MLANA: variants seen among roughly 807,000 people sequenced by gnomAD.
The protein encoded by MLANA is melan-A.
In MLANA, 21 loss-of-function variants were observed where a neutral mutation model predicts 15.7. That is an observed-to-expected ratio of 1.33 (90% CI 0.95 to 1.92). MLANA has a LOEUF of 1.92. Among genes scored for constraint, MLANA ranks in the 40% most tolerant of loss-of-function variants. The pLI is 0.00. For missense variants in MLANA, 164 were observed against 143.8 expected (o/e 1.14, Z -0.72); for synonymous variants, 56 against 51.5 (o/e 1.09, Z -0.37).
chr9:5,902,891 T>C (rs1266974371), intron 3 of MLANA, among the ~76,000 whole-genome samples: 2 of 152,262 alleles, frequency 1.3e-5, no homozygotes, highest in South Asian at 2.1e-4. Context: ...TTCTCTTTAT[T>C]TTCCTAAGGT....
At position 5,909,877 on chromosome 9, in the gene MLANA, T is replaced by C. The variant is rs1833059642; in HGVS notation, c.*1169T>C. The stretch of plus-strand genomic sequence containing the variant: ...TGCAATTTGTTTTCCTTTGGCTACA[T>C]CAACGTATCACCTACACTATTATTT... On this transcript the variant is annotated 3_prime_UTR_variant, in exon 5 of 5. Transcript: ENST00000381477. 6.6e-6 allele frequency: 1 copy of C among 152,218 alleles called. No individual in the cohort carries two copies. Among genetic ancestry groups the C allele is most frequent in the African/African-American group, 2.4e-5 (1 of 41,444 alleles). 9.4% of individuals were successfully genotyped at this position (152,218 alleles called of 1,614,324 possible).
chr9:5,896,853 A>G (rs909742346), intron 2 of MLANA, among the ~76,000 whole-genome samples: 2 of 152,172 alleles, frequency 1.3e-5, no homozygotes, highest in Non-Finnish European at 1.5e-5. Flanking sequence ...ATCCTTCTCA[A>G]TAAGTAATGC....
chr9:5,897,535 A>G (rs772896956), intron 2 of MLANA, 22 bp from the exon 3 acceptor site: 1 of 1,598,628 alleles, frequency 6.3e-7, no homozygotes, highest in Admixed American at 1.7e-5. Context: ...GACAAAGTGG[A>G]TTTGTCTATC....
chr9:5,906,461 A>C (rs1017844934), intron 3 of MLANA, among the ~76,000 whole-genome samples: 8 of 152,218 alleles, frequency 5.3e-5, no homozygotes, highest in African/African-American at 1.7e-4. Context: ...TTCTCTAAAG[A>C]ACTTCAAAAG....
intron 1 of MLANA, chr9:5,891,253 A>G (rs1831639884): frequency 6.6e-6 from 1 of 152,246 alleles, no homozygotes; most frequent in Admixed American, 6.5e-5. Flanking sequence ...CTGAGTAGTA[A>G]GAGGCGCATT....
intron 3 of MLANA, among the ~76,000 whole-genome samples, chr9:5,899,779 C>T (rs1832295932): frequency 6.6e-6 from 1 of 152,204 alleles, no homozygotes; most frequent in African/African-American, 2.4e-5. Context: ...ATATTTCTAA[C>T]TCATCTTCAT....
At position 5,894,553 on chromosome 9, in the gene MLANA, A is replaced by G. The variant is rs1253791484; in HGVS notation, c.77+2002A>G. Reference sequence around the variant, plus strand: ...GTTTGGCTGGTTCTGGTGTCTCAAGAGCTTAGAAGTGAGGGGCATGAATCA... The same window carrying G: ...GTTTGGCTGGTTCTGGTGTCTCAAGGGCTTAGAAGTGAGGGGCATGAATCA... On this transcript the variant is annotated intron_variant, in intron 2 of 4. Transcript: ENST00000381477. This position sits in a 1 kb window ranked among gnomAD's most constrained non-coding sequence, Gnocchi z 4.0. Among the ~76,000 whole-genome samples the G allele has an allele frequency of 1.3e-5, 2 of 152,108 alleles. No homozygotes were observed. Among genetic ancestry groups the G allele is most frequent in the Admixed American group, 1.3e-4 (2 of 15,272 alleles).
Position 5,908,656 on chromosome 9 carries a change from C to G in MLANA, c.305C>G (p.Pro102Arg). Reference protein sequence around the residue: ...NCEPVVPNAPPAYEKLSAEQS... With the variant: ...NCEPVVPNAPRAYEKLSAEQS... ...TTCTCACAGGTTCCCAATGCTCCAC[C>G]TGCTTATGAGAAACTCTCTGCAGAA... The change falls in exon 5 of 5, where the codon CCT (proline) becomes CGT (arginine). Residue 102 changes from proline (P) to arginine (R), a missense_variant. Physicochemically the swap from Pro to Arg is moderately radical, Grantham distance 103. Coordinates refer to ENST00000381477, the MANE Select transcript of MLANA (RefSeq NM_005511.2). 6.2e-7 allele frequency: 1 copy of G among 1,614,062 alleles called. No individual in the cohort carries two copies. Among genetic ancestry groups the G allele is most frequent in the Non-Finnish European group, 8.5e-7 (1 of 1,179,970 alleles).
At chr9:5,891,904 G>A (rs771540637) in intron 1 of MLANA, among the ~76,000 whole-genome samples, 1 of 152,222 alleles carries the variant, frequency 6.6e-6, no homozygotes, top group South Asian at 2.1e-4. Flanking sequence ...TGGGCTGGAA[G>A]ATGTTGTGCT....
intron 4 of MLANA, among the ~76,000 whole-genome samples, chr9:5,907,371 G>T (rs919205925): frequency 6.6e-6 from 1 of 152,114 alleles, no homozygotes; most frequent in Admixed American, 6.5e-5. Flanking sequence ...CAGAGGGAAG[G>T]GATAAAGTAC....
At position 5,908,769 on chromosome 9, in the gene MLANA, A is replaced by T; in HGVS notation, c.*61A>T. ...TTCTCTCACACTTTTGCTTGAATTT[A>T]ATACAGACATCTAATGTTCTCCTTT... On this transcript the variant is annotated 3_prime_UTR_variant, in exon 5 of 5. Transcript: ENST00000381477. 1.4e-6 allele frequency: 2 copies of T among 1,452,808 alleles called. No homozygotes were observed. The highest frequency in any genetic ancestry group is 1.9e-6 in the Non-Finnish European group (2 of 1,033,922). 90.0% of individuals were successfully genotyped at this position (1,452,808 alleles called of 1,614,324 possible).
intron 4 of MLANA, among the ~76,000 whole-genome samples, chr9:5,908,412 G>C (rs1832954381): frequency 6.6e-6 from 1 of 152,160 alleles, no homozygotes; most frequent in South Asian, 2.1e-4. Flanking sequence ...AAGCTTTTGA[G>C]ATTTTGGGAA....
intron 3 of MLANA, among the ~76,000 whole-genome samples, chr9:5,905,204 A>G (rs1277626277): frequency 6.6e-6 from 1 of 152,304 alleles, no homozygotes; most frequent in South Asian, 2.1e-4. Flanking sequence ...AAATAATCCT[A>G]ATTCCTTCCT....
At chr9:5,908,582 T>C (rs1428873055) in intron 4 of MLANA, 58 bp from the exon 5 acceptor site, 2 of 1,417,362 alleles carry the variant, frequency 1.4e-6, no homozygotes, top group East Asian at 2.3e-5. Context: ...ACTTAATCCC[T>C]TCCTAGAAAC....
intron 3 of MLANA, among the ~76,000 whole-genome samples, chr9:5,905,496 C>G (rs905133879): frequency 3.9e-5 from 6 of 152,100 alleles, no homozygotes; most frequent in African/African-American, 1.4e-4. Flanking sequence ...GCCCTTCAAA[C>G]CATAAAAAAA....
intron 3 of MLANA, among the ~76,000 whole-genome samples, chr9:5,905,107 C>T (rs888015634): frequency 2.6e-5 from 4 of 152,056 alleles, no homozygotes; most frequent in Non-Finnish European, 4.4e-5. Context: ...CAGTGGTTTC[C>T]CTAGAGTTTG....
At chr9:5,896,963 G>A (rs914583777) in intron 2 of MLANA, among the ~76,000 whole-genome samples, 7 of 152,228 alleles carry the variant, frequency 4.6e-5, no homozygotes, top group Non-Finnish European at 1.0e-4. Context: ...TAATTGAGAC[G>A]GATTCAGGTT....
At chr9:5,891,136 A>G (rs1479841855) in intron 1 of MLANA, 200 bp downstream of exon 1, 2 of 152,176 alleles carry the variant, frequency 1.3e-5, no homozygotes, top group African/African-American at 4.8e-5. Context: ...GTCCTCCAAC[A>G]CTACCAAGAA....
At chr9:5,906,358 GA>G (rs1286393758) in intron 3 of MLANA, among the ~76,000 whole-genome samples, 1 of 148,112 alleles carries the variant, frequency 6.8e-6, no homozygotes, top group Non-Finnish European at 1.5e-5. Context: ...GAAAAGAAAA[GA>G]AAAAAAAAGT....
Sources: gnomAD v4.1 joint callset for allele counts (sites outside exome capture counted in the v4.1 genomes callset) on GRCh38, gnomAD v4.1.1 for gene constraint, Gnocchi (gnomAD v3.1) non-coding constraint, MANE v1.5 for transcripts, NCBI Gene and HGNC (gene_info 2026-07-23, HGNC 2026-07-21) for gene names.